Variants in SCUBE1 observed in about 807,000 individuals in gnomAD.
SCUBE1 encodes the protein signal peptide, CUB domain and EGF like domain containing 1.
In SCUBE1, 59 loss-of-function variants were observed where a neutral mutation model predicts 124.4. That is an observed-to-expected ratio of 0.47 (90% CI 0.38 to 0.59). SCUBE1 has a LOEUF of 0.59. SCUBE1 is among the 20% of genes least tolerant of loss of function. The pLI is 0.00. For synonymous variants in SCUBE1, 545 were observed against 550.9 expected, an observed-to-expected ratio of 0.99 and a Z score of 0.15; for missense variants, 1,150 against 1,371.2, an observed-to-expected ratio of 0.84 and a Z score of 2.55.
At chr22:43,278,429 C>T (rs1398777222) in intron 4 of SCUBE1, among the ~76,000 whole-genome samples, 1 of 152,170 alleles carries the variant, frequency 6.6e-6, no homozygotes, top group Non-Finnish European at 1.5e-5. Context: ...GCCGTGCTGC[C>T]CCAGCACTCA....
intron 2 of SCUBE1, among the ~76,000 whole-genome samples, chr22:43,334,711 C>A (rs1055205989): frequency 6.6e-6 from 1 of 151,826 alleles, no homozygotes; most frequent in Non-Finnish European, 1.5e-5. Context: ...ACCCCCATCA[C>A]CCTCATCATC....
chr22:43,221,165 C>A lies in SCUBE1; in HGVS notation c.1549+8G>T, dbSNP rs756343880. The A allele has an allele frequency of 2.2e-5, 36 of 1,601,102 alleles. No homozygotes were observed. The highest frequency in any genetic ancestry group is 3.1e-5 in the Non-Finnish European group (36 of 1,173,770). ...TGGTGTGGGTTAGGAGCAGGGCGTC[C>A]CACTCACCCAGCAGCGGCTGCCTGG... On this transcript the variant is annotated splice_region_variant and intron_variant, in intron 13 of 21. Transcript: ENST00000360835.
intron 3 of SCUBE1, among the ~76,000 whole-genome samples, chr22:43,295,073 T>C (rs1291404333): frequency 2.6e-5 from 4 of 152,154 alleles, no homozygotes; most frequent in Non-Finnish European, 5.9e-5. Flanking sequence ...GGAAGCCCCA[T>C]GAATCCAAAG....
chr22:43,226,610 C>A (rs139011), intron 10 of SCUBE1, among the ~76,000 whole-genome samples: 2 of 137,106 alleles, frequency 1.5e-5, no homozygotes, highest in African/African-American at 2.6e-5. Context: ...GAGGAGTTAC[C>A]GGGGTTGGAA....
chr22:43,217,719 G>A (rs924657597), intron 15 of SCUBE1, among the ~76,000 whole-genome samples: 1 of 152,114 alleles, frequency 6.6e-6, no homozygotes, highest in Non-Finnish European at 1.5e-5. Context: ...TGTCTCGTGT[G>A]CTGGTTCTGC....
At chr22:43,318,279 G>A (rs1416386308) in intron 3 of SCUBE1, 1 of 152,190 alleles carries the variant, frequency 6.6e-6, no homozygotes, top group Non-Finnish European at 1.5e-5. Flanking sequence ...AGCACTTTGG[G>A]AGGTCGAGGT....
chr22:43,242,394 A>T (rs1390543995), intron 6 of SCUBE1, among the ~76,000 whole-genome samples: 1 of 152,236 alleles, frequency 6.6e-6, no homozygotes, highest in Non-Finnish European at 1.5e-5. Context: ...GTAAGAAAGC[A>T]GGCCAGGCCG....
intron 3 of SCUBE1, among the ~76,000 whole-genome samples, chr22:43,309,031 A>T (rs1038233267): frequency 6.6e-6 from 1 of 152,252 alleles, no homozygotes; most frequent in Non-Finnish European, 1.5e-5. Flanking sequence ...GCAGGTGGGG[A>T]GCGGACCGTG....
intron 4 of SCUBE1, among the ~76,000 whole-genome samples, chr22:43,281,767 G>C (rs1924921917): frequency 6.6e-6 from 1 of 152,228 alleles, no homozygotes; most frequent in Admixed American, 6.5e-5. Flanking sequence ...GTACAACTGA[G>C]GCAAGTGTGA....
chr22:43,240,957 C>G (rs1165934013), intron 6 of SCUBE1, among the ~76,000 whole-genome samples: 4 of 152,040 alleles, frequency 2.6e-5, no homozygotes, highest in African/African-American at 9.7e-5. Flanking sequence ...TGGCAGGGTG[C>G]AGAGGGTGGG....
chr22:43,299,926 G>C (rs1925704144), intron 3 of SCUBE1, among the ~76,000 whole-genome samples: 1 of 152,226 alleles, frequency 6.6e-6, no homozygotes, highest in Non-Finnish European at 1.5e-5. Context: ...ATGTTTTCAA[G>C]CTGCATCCAT....
chr22:43,297,056 A>G (rs989583525), intron 3 of SCUBE1, among the ~76,000 whole-genome samples: 8 of 152,238 alleles, frequency 5.3e-5, no homozygotes, highest in African/African-American at 1.9e-4. Flanking sequence ...GAGGGGCCTC[A>G]CTGGTCAGGG....
At chr22:43,216,638 G>A (rs940603580) in intron 15 of SCUBE1, among the ~76,000 whole-genome samples, 3 of 151,904 alleles carry the variant, frequency 2.0e-5, no homozygotes, top group Non-Finnish European at 2.9e-5. Context: ...GCTACAGAGC[G>A]AGACTCTGTC....
intron 8 of SCUBE1, among the ~76,000 whole-genome samples, chr22:43,230,436 G>C (rs1009550570): frequency 2.6e-5 from 4 of 152,218 alleles, no homozygotes; most frequent in Admixed American, 1.3e-4. Context: ...AGCCTGGAAG[G>C]GGGTGGAAAA....
At chr22:43,320,570 C>T (rs1217324304) in intron 2 of SCUBE1, among the ~76,000 whole-genome samples, 1 of 152,142 alleles carries the variant, frequency 6.6e-6, no homozygotes, top group Non-Finnish European at 1.5e-5. Context: ...CATTTCCCAT[C>T]AGGGGTCAAA....
chr22:43,230,770 G>A (rs957038899), intron 8 of SCUBE1, among the ~76,000 whole-genome samples: 6 of 152,162 alleles, frequency 3.9e-5, no homozygotes, highest in African/African-American at 9.7e-5. Flanking sequence ...TTCTGAGGAC[G>A]GCAGGCCCTG....
chr22:43,198,243 G>C lies in SCUBE1; in HGVS notation c.*5754C>G. The C allele has an allele frequency of 3.4e-6, 1 of 295,050 alleles. No homozygotes were observed. Among genetic ancestry groups the C allele is most frequent in the Non-Finnish European group, 6.7e-6 (1 of 148,224 alleles). 18.3% of individuals were successfully genotyped at this position (295,050 alleles called of 1,614,324 possible). The stretch of plus-strand genomic sequence containing the variant: ...CCCACCTTTCCCTTCTTCCTGTTGG[G>C]GCTTGGGGGGTGCAGACAATTCCAG... On this transcript the variant is annotated 3_prime_UTR_variant, in exon 22 of 22. Coordinates refer to ENST00000360835, the MANE Select transcript of SCUBE1 (RefSeq NM_173050.5).
At chr22:43,339,713 C>CA (rs1601904668) in intron 1 of SCUBE1, among the ~76,000 whole-genome samples, 1 of 115,094 alleles carries the variant, frequency 8.7e-6, no homozygotes, top group Non-Finnish European at 1.8e-5. Flanking sequence ...AACCCTCCCC[C>CA]ACTCTCCTCA....
At chr22:43,327,585 G>C (rs376257999) in intron 2 of SCUBE1, among the ~76,000 whole-genome samples, 1 of 152,076 alleles carries the variant, frequency 6.6e-6, no homozygotes, top group Non-Finnish European at 1.5e-5. Context: ...TCAGGAGTTC[G>C]AGACCAGCCT....
Sources: gnomAD v4.1 joint callset for allele counts (sites outside exome capture counted in the v4.1 genomes callset) on GRCh38, gnomAD v4.1.1 for gene constraint, MANE v1.5 for transcripts, NCBI Gene and HGNC (gene_info 2026-07-23, HGNC 2026-07-21) for gene names.